TRAK2: variants seen among roughly 807,000 people sequenced by gnomAD.
TRAK2 encodes trafficking kinesin protein 2.
A neutral mutation model predicts 104.6 loss-of-function variants in TRAK2; 81 were observed. The ratio of observed to expected loss-of-function variants is 0.77; its 90% confidence interval spans 0.65 to 0.93. The LOEUF (loss-of-function observed/expected upper bound fraction) is 0.93, where lower values mean the gene tolerates loss of function less well. Ranked by LOEUF, TRAK2 falls within the 40% of genes least tolerant of loss-of-function variation. TRAK2 has a pLI of 0.00. For synonymous variants in TRAK2, 406 were observed against 394.4 expected, an observed-to-expected ratio of 1.03 and a Z score of -0.35; for missense variants, 1,002 against 1,089.0, an observed-to-expected ratio of 0.92 and a Z score of 1.12.
At chr2:201,393,245 G>C (rs1951464664) in intron 9 of TRAK2, among the ~76,000 whole-genome samples, 199 bp from the exon 10 acceptor site, 1 of 152,120 alleles carries the variant, frequency 6.6e-6, no homozygotes, top group Non-Finnish European at 1.5e-5. Context: ...TTAGGGAGGG[G>C]TGTCTTGGCC....
chr2:201,430,695 G>C (rs10168751), intron 1 of TRAK2, among the ~76,000 whole-genome samples: 7,024 of 152,270 alleles, frequency 0.046, 281 homozygotes, highest in African/African-American at 0.11. Flanking sequence ...GTACTAGGGT[G>C]GGAGTGTCCC....
intron 1 of TRAK2, among the ~76,000 whole-genome samples, chr2:201,437,280 G>A (rs766250196): frequency 6.6e-6 from 1 of 152,042 alleles, no homozygotes; most frequent in South Asian, 2.1e-4. Flanking sequence ...CTCTACCTGC[G>A]TTTAATGGCT....
At chr2:201,398,531 C>T (rs975210023) in intron 5 of TRAK2, among the ~76,000 whole-genome samples, 177 bp from the exon 6 acceptor site, 2 of 152,054 alleles carry the variant, frequency 1.3e-5, no homozygotes, top group African/African-American at 4.8e-5. Context: ...CCCCAGATAC[C>T]TCCTAAGTTA....
At chr2:201,394,558 C>A (rs2125644528) in intron 9 of TRAK2, among the ~76,000 whole-genome samples, 1 of 152,206 alleles carries the variant, frequency 6.6e-6, no homozygotes, top group Non-Finnish European at 1.5e-5. Flanking sequence ...CCAGGCTGGT[C>A]TTGAACTCCT....
intron 2 of TRAK2, among the ~76,000 whole-genome samples, chr2:201,409,991 T>C (rs1386601188): frequency 6.6e-6 from 1 of 152,128 alleles, no homozygotes; most frequent in Non-Finnish European, 1.5e-5. Flanking sequence ...CTGGGAAGGG[T>C]TGGGTCTTTA....
rs147407115 is a variant in TRAK2, at chr2:201,430,113, G to T, written c.-199-9407C>A. On this transcript the variant is annotated intron_variant, in intron 1 of 15. Transcript: ENST00000332624. ...GGTCCACTCCAGACGCTGTTTGCCT[G>T]GGTATCACCAGCGGGGGCTGCAGAA... 3.8e-3 allele frequency among the ~76,000 whole-genome samples: 575 copies of T among 152,312 alleles called. 5 individuals carry two copies. The highest frequency in any genetic ancestry group is 0.013 in the African/African-American group (535 of 41,556).
At chr2:201,398,626 A>T (rs1479664841) in intron 5 of TRAK2, among the ~76,000 whole-genome samples, 1 of 152,092 alleles carries the variant, frequency 6.6e-6, no homozygotes, top group Non-Finnish European at 1.5e-5. Flanking sequence ...TATATATATG[A>T]TAGGAATATA....
chr2:201,413,044 GA>G (rs1338305573), intron 2 of TRAK2: 1 of 789,448 alleles, frequency 1.3e-6, no homozygotes, highest in African/African-American at 1.7e-5. Context: ...TTAAGTGTTG[GA>G]CTCCTCATTT....
intron 2 of TRAK2, chr2:201,411,709 C>A (rs879385528): frequency 7.7e-6 from 6 of 780,480 alleles, no homozygotes; most frequent in African/African-American, 1.7e-5. Context: ...ACTGCAGACT[C>A]TTTGGATGGA....
chr2:201,410,352 A>G (rs1312618527), intron 2 of TRAK2, among the ~76,000 whole-genome samples: 1 of 152,114 alleles, frequency 6.6e-6, no homozygotes, highest in African/African-American at 2.4e-5. Flanking sequence ...AAGAGGAAAA[A>G]AATCCTCAGT....
At chr2:201,394,754 C>T (rs2125644613) in intron 9 of TRAK2, 44 bp downstream of exon 9, 2 of 1,445,772 alleles carry the variant, frequency 1.4e-6, no homozygotes, top group Non-Finnish European at 1.9e-6. Context: ...AGAAACTAGT[C>T]ACTCTTTCCC....
intron 2 of TRAK2, among the ~76,000 whole-genome samples, chr2:201,419,972 T>C (rs563857902): frequency 1.3e-5 from 2 of 152,344 alleles, no homozygotes; most frequent in African/African-American, 2.4e-5. Flanking sequence ...AATAAAAGTG[T>C]AGAAAAAAAC....
At chr2:201,430,973 T>C (rs1431503809) in intron 1 of TRAK2, among the ~76,000 whole-genome samples, 1 of 152,222 alleles carries the variant, frequency 6.6e-6, no homozygotes, top group East Asian at 1.9e-4. Flanking sequence ...CTGTCTAGTA[T>C]TTCTTAAATT....
intron 1 of TRAK2, among the ~76,000 whole-genome samples, chr2:201,426,922 T>C (rs1278043395): frequency 6.6e-6 from 1 of 152,200 alleles, no homozygotes; most frequent in African/African-American, 2.4e-5. Flanking sequence ...GGCCTGACAT[T>C]AGACAAGTCT....
Position 201,394,793 on chromosome 2 carries a change from AT to A in TRAK2, c.975+4del. ...CTGAATTACACAAGATAAAGATTTC[AT>A]TACCTCCATTGTCAGTTGCCGTTGG... On this transcript the variant is annotated splice_donor_region_variant and intron_variant, in intron 9 of 15. Transcript: ENST00000332624. The A allele has an allele frequency of 6.2e-7, 1 of 1,612,806 alleles. No individual in the cohort carries two copies. Among genetic ancestry groups the A allele is most frequent in the East Asian group, 2.2e-5 (1 of 44,856 alleles).
chr2:201,397,726 C>T (rs1012586121), intron 6 of TRAK2, 146 bp from the exon 7 acceptor site: 1 of 610,126 alleles, frequency 1.6e-6, no homozygotes, highest in Admixed American at 3.0e-5. Context: ...CTCTACCTGG[C>T]TCATCCCTGG....
At chr2:201,450,141 G>T (rs1952013908) in intron 1 of TRAK2, among the ~76,000 whole-genome samples, 1 of 152,140 alleles carries the variant, frequency 6.6e-6, no homozygotes, top group Non-Finnish European at 1.5e-5. Flanking sequence ...CTGGAGCTGG[G>T]TGTGGCGGCT....
At chr2:201,439,285 C>T (rs867603686) in intron 1 of TRAK2, among the ~76,000 whole-genome samples, 5 of 152,122 alleles carry the variant, frequency 3.3e-5, no homozygotes, top group Non-Finnish European at 7.3e-5. Flanking sequence ...GGTGTACGTG[C>T]AGGGCTATAC....
At chr2:201,407,767 T>TTTCTCCAGGTTTTTTTTC (rs397802627) in intron 2 of TRAK2, among the ~76,000 whole-genome samples, 170 bp from the exon 3 acceptor site, 3 of 151,878 alleles carry the variant, frequency 2.0e-5, no homozygotes, top group African/African-American at 4.8e-5. Context: ...TAGTTTTTTT[T>TTTCTCCAGGTTTTTTTTC]TCTCCAGGTT....
Sources: gnomAD v4.1 joint callset for allele counts (sites outside exome capture counted in the v4.1 genomes callset) on GRCh38, gnomAD v4.1.1 for gene constraint, MANE v1.5 for transcripts, NCBI Gene and HGNC (gene_info 2026-07-23, HGNC 2026-07-21) for gene names.